Variants in TNFSF4 observed in about 807,000 individuals in gnomAD.
TNFSF4 encodes TNF superfamily member 4.
A neutral mutation model predicts 7.3 loss-of-function variants in TNFSF4; 4 were observed. The observed-to-expected ratio is 0.55, with a 90% CI of 0.27 to 1.25. The LOEUF is 1.25. Ranked by LOEUF, TNFSF4 falls within the 50% of genes most tolerant of loss-of-function variation. TNFSF4 has a pLI of 0.12. For missense variants in TNFSF4, 181 were observed against 208.8 expected, an observed-to-expected ratio of 0.87 and a Z score of 0.82; for synonymous variants, 76 against 83.7, an observed-to-expected ratio of 0.91 and a Z score of 0.50.
chr1:173,260,396 T>C, the TNFSF4 span, among the ~76,000 whole-genome samples: 1 of 152,206 alleles, frequency 6.6e-6, no homozygotes, highest in Non-Finnish European at 1.5e-5. Flanking sequence ...CACACTGTAG[T>C]AGGCAGACCA....
the TNFSF4 span, among the ~76,000 whole-genome samples, chr1:173,373,301 T>C: frequency 6.6e-6 from 1 of 152,208 alleles, no homozygotes; most frequent in African/African-American, 2.4e-5. Context: ...ATCGGGCAGA[T>C]GCTGAGGCCA....
chr1:173,387,248 A>G, the TNFSF4 span, among the ~76,000 whole-genome samples: 2 of 152,206 alleles, frequency 1.3e-5, no homozygotes, highest in South Asian at 2.1e-4. Context: ...TGAATCCCCA[A>G]TGCAACAGTA....
the TNFSF4 span, among the ~76,000 whole-genome samples, chr1:173,322,117 G>T: frequency 6.6e-6 from 1 of 152,134 alleles, no homozygotes; most frequent in African/African-American, 2.4e-5. Context: ...ATATACACTC[G>T]TGGACTACTA....
the TNFSF4 span, among the ~76,000 whole-genome samples, chr1:173,413,982 C>A: frequency 2.0e-5 from 3 of 152,150 alleles, no homozygotes; most frequent in Non-Finnish European, 4.4e-5. Context: ...GCAAAAGACC[C>A]TTAACACCCT....
At chr1:173,222,536 G>T in the TNFSF4 span, among the ~76,000 whole-genome samples, 1 of 152,164 alleles carries the variant, frequency 6.6e-6, no homozygotes, top group Non-Finnish European at 1.5e-5. Context: ...AGATTTAGAG[G>T]TTTTAGGTTA....
At chr1:173,317,471 C>A in the TNFSF4 span, among the ~76,000 whole-genome samples, 1 of 152,164 alleles carries the variant, frequency 6.6e-6, no homozygotes, top group Non-Finnish European at 1.5e-5. Context: ...TTACATGTAA[C>A]GATGGTCCTT....
the TNFSF4 span, among the ~76,000 whole-genome samples, chr1:173,283,299 C>G: frequency 5.9e-5 from 9 of 151,946 alleles, no homozygotes; most frequent in South Asian, 2.1e-4. Flanking sequence ...TTTCCCCCCC[C>G]AAAAAAGAGA....
At chr1:173,344,965 T>C in the TNFSF4 span, among the ~76,000 whole-genome samples, 4 of 152,234 alleles carry the variant, frequency 2.6e-5, no homozygotes, top group Non-Finnish European at 4.4e-5. Context: ...TTCTTCCCTG[T>C]TATATCTGCA....
At chr1:173,401,101 G>A in the TNFSF4 span, among the ~76,000 whole-genome samples, 151,449 of 152,288 alleles carry the variant, frequency 0.99, 75,310 homozygotes, top group Middle Eastern at 1. Context: ...TTGTTTAATC[G>A]TAGTATTTAA....
chr1:173,334,818 C>T, the TNFSF4 span, among the ~76,000 whole-genome samples: 243 of 152,192 alleles, frequency 1.6e-3, 1 homozygote, highest in Middle Eastern at 3.4e-3. Flanking sequence ...ATGCTGGCTC[C>T]CCTCAGGGGA....
chr1:173,394,698 G>T, the TNFSF4 span, among the ~76,000 whole-genome samples: 1 of 152,086 alleles, frequency 6.6e-6, no homozygotes, highest in South Asian at 2.1e-4. Context: ...CTTGGTCTGA[G>T]ACTTACACTA....
chr1:173,384,334 G>A, the TNFSF4 span, among the ~76,000 whole-genome samples: 5 of 152,320 alleles, frequency 3.3e-5, no homozygotes, highest in East Asian at 7.7e-4. Context: ...ATGAGATCGG[G>A]AGAAGCAGGT....
At chr1:173,202,045 C>CTA (rs1015553460) in intron 1 of TNFSF4, among the ~76,000 whole-genome samples, 24 of 140,862 alleles carry the variant, frequency 1.7e-4, no homozygotes, top group Non-Finnish European at 2.6e-4. Flanking sequence ...GAAGTAATTG[C>CTA]TATATATATA....
the TNFSF4 span, among the ~76,000 whole-genome samples, chr1:173,368,185 C>T: frequency 5.9e-5 from 9 of 152,164 alleles, no homozygotes; most frequent in Non-Finnish European, 1.0e-4. Flanking sequence ...AGTTGGCCAC[C>T]CCCATTCAGC....
At chr1:173,336,679 T>C in the TNFSF4 span, among the ~76,000 whole-genome samples, 1 of 152,162 alleles carries the variant, frequency 6.6e-6, no homozygotes, top group Non-Finnish European at 1.5e-5. Flanking sequence ...TTGATGACAT[T>C]ATGCCAATTG....
the TNFSF4 span, chr1:173,363,285 CT>C: frequency 3.3e-6 from 1 of 302,976 alleles, no homozygotes. Context: ...TTTCTGCATG[CT>C]TTATCATATT....
the TNFSF4 span, among the ~76,000 whole-genome samples, chr1:173,370,792 T>A: frequency 6.7e-6 from 1 of 148,192 alleles, no homozygotes; most frequent in African/African-American, 2.5e-5. Flanking sequence ...GAAAGGCCCT[T>A]AGTCATGGCC....
At chr1:173,358,775 C>A in the TNFSF4 span, among the ~76,000 whole-genome samples, 1 of 152,298 alleles carries the variant, frequency 6.6e-6, no homozygotes, top group East Asian at 1.9e-4. Context: ...ATGTCACAGA[C>A]ATAATGTTTG....
At chr1:173,257,871 T>C in the TNFSF4 span, among the ~76,000 whole-genome samples, 1 of 152,240 alleles carries the variant, frequency 6.6e-6, no homozygotes, top group Non-Finnish European at 1.5e-5. Context: ...ACTCAATTTC[T>C]GGCACCACCC....
Sources: allele counts gnomAD v4.1 joint callset (sites outside exome capture counted in the v4.1 genomes callset), GRCh38; gene constraint gnomAD v4.1.1; transcripts MANE v1.5; gene names NCBI Gene and HGNC (gene_info 2026-07-23, HGNC 2026-07-21).